The following AFG2A variants were observed in gnomAD, a reference collection of about 807,000 sequenced individuals.
AFG2A encodes ATPase family gene 2 protein homolog A.
At chr4:123,029,259 G>C in the AFG2A span, among the ~76,000 whole-genome samples, 1 of 152,080 alleles carries the variant, frequency 6.6e-6, no homozygotes, top group Non-Finnish European at 1.5e-5. Flanking sequence ...CAAATTTTTT[G>C]TATTTTTAGT....
the AFG2A span, among the ~76,000 whole-genome samples, chr4:123,194,142 C>A: frequency 1.6e-4 from 25 of 152,258 alleles, no homozygotes; most frequent in Middle Eastern, 0.01. Flanking sequence ...GAAATGACTT[C>A]AATCCCTACT....
At chr4:122,964,078 A>G in the AFG2A span, among the ~76,000 whole-genome samples, 1 of 152,198 alleles carries the variant, frequency 6.6e-6, no homozygotes, top group Non-Finnish European at 1.5e-5. Flanking sequence ...GTATTTTAGT[A>G]AGGTTGTTAA....
At chr4:122,977,811 G>A in the AFG2A span, among the ~76,000 whole-genome samples, 1 of 152,236 alleles carries the variant, frequency 6.6e-6, no homozygotes, top group African/African-American at 2.4e-5. Context: ...ACCTGAAGTG[G>A]GTAGGTCCTT....
chr4:123,308,990 GT>G, the AFG2A span, among the ~76,000 whole-genome samples: 1 of 152,058 alleles, frequency 6.6e-6, no homozygotes, highest in Non-Finnish European at 1.5e-5. Context: ...TATTCCTTGT[GT>G]TTCTGTCCTC....
the AFG2A span, among the ~76,000 whole-genome samples, chr4:122,959,686 T>G: frequency 1.3e-5 from 2 of 152,244 alleles, no homozygotes; most frequent in Non-Finnish European, 2.9e-5. Flanking sequence ...AGGTTATTGT[T>G]TGTAGGATAT....
chr4:123,054,239 G>C, the AFG2A span, among the ~76,000 whole-genome samples: 3 of 152,188 alleles, frequency 2.0e-5, no homozygotes, highest in African/African-American at 7.2e-5. Context: ...TTGGGTGTTA[G>C]TGTACCCTCT....
At chr4:123,041,133 C>T in the AFG2A span, among the ~76,000 whole-genome samples, 13 of 151,406 alleles carry the variant, frequency 8.6e-5, no homozygotes, top group East Asian at 1.9e-4. Context: ...ATTTTTGAGA[C>T]GGAGTCTTGC....
chr4:123,223,882 G>A, the AFG2A span, among the ~76,000 whole-genome samples: 1 of 152,172 alleles, frequency 6.6e-6, no homozygotes, highest in Non-Finnish European at 1.5e-5. Context: ...TTTTCACTCT[G>A]TCGATTGTTT....
chr4:123,294,770 TAAAAGAC>T, the AFG2A span, among the ~76,000 whole-genome samples: 1 of 152,186 alleles, frequency 6.6e-6, no homozygotes, highest in Non-Finnish European at 1.5e-5. Flanking sequence ...GAGTGATACT[TAAAAGAC>T]ATGAGAGTAA....
chr4:123,056,360 C>T, the AFG2A span: 1 of 1,597,732 alleles, frequency 6.3e-7, no homozygotes, highest in African/African-American at 1.4e-5. Context: ...TATAAAGACA[C>T]TGAACAGTTG....
At chr4:123,031,110 T>A in the AFG2A span, among the ~76,000 whole-genome samples, 3 of 152,278 alleles carry the variant, frequency 2.0e-5, no homozygotes, top group Middle Eastern at 3.4e-3. Context: ...CCATACAGCT[T>A]ATGTATGAGA....
At chr4:123,131,670 T>C in the AFG2A span, among the ~76,000 whole-genome samples, 3 of 152,196 alleles carry the variant, frequency 2.0e-5, no homozygotes. Context: ...AATTTCTTTT[T>C]TGAGGCTGAA....
the AFG2A span, among the ~76,000 whole-genome samples, chr4:122,927,916 A>G: frequency 3.9e-5 from 6 of 152,232 alleles, no homozygotes; most frequent in East Asian, 1.9e-4. Context: ...GCCAGTAAAC[A>G]TAAGGCAAAT....
the AFG2A span, among the ~76,000 whole-genome samples, chr4:123,061,816 C>T: frequency 6.6e-6 from 1 of 152,154 alleles, no homozygotes; most frequent in African/African-American, 2.4e-5. Flanking sequence ...TCAGGTTTAC[C>T]TAACTACAAG....
the AFG2A span, among the ~76,000 whole-genome samples, chr4:122,962,262 G>C: frequency 6.6e-6 from 1 of 152,150 alleles, no homozygotes; most frequent in Non-Finnish European, 1.5e-5. Flanking sequence ...GGGGACCCCT[G>C]CTCTAATTAA....
chr4:123,015,626 T>A, the AFG2A span, among the ~76,000 whole-genome samples: 7 of 151,174 alleles, frequency 4.6e-5, no homozygotes, highest in Non-Finnish European at 7.4e-5. Context: ...CTCAATCCTT[T>A]CCCCGCCTTT....
At chr4:122,956,257 T>C in the AFG2A span, among the ~76,000 whole-genome samples, 15 of 152,140 alleles carry the variant, frequency 9.9e-5, no homozygotes, top group Non-Finnish European at 2.2e-4. Context: ...AAGAAGAAGC[T>C]TAGAGTAGGA....
the AFG2A span, among the ~76,000 whole-genome samples, chr4:123,279,083 C>T: frequency 6.6e-6 from 1 of 152,114 alleles, no homozygotes; most frequent in Non-Finnish European, 1.5e-5. Context: ...TAATTTTTCT[C>T]CTACTGTGAG....
chr4:123,158,215 C>G, the AFG2A span, among the ~76,000 whole-genome samples: 1 of 152,200 alleles, frequency 6.6e-6, no homozygotes, highest in Non-Finnish European at 1.5e-5. Flanking sequence ...GATAAAATGA[C>G]TTGTTCCAAA....
Sources: allele counts gnomAD v4.1 joint callset (sites outside exome capture counted in the v4.1 genomes callset), GRCh38; gene constraint gnomAD v4.1.1; transcripts MANE v1.5; gene names NCBI Gene and HGNC (gene_info 2026-07-23, HGNC 2026-07-21).